Variants in CLASP2 observed in about 807,000 individuals in gnomAD.
The protein encoded by CLASP2 is cytoplasmic linker associated protein 2, also known as CLIP-associating protein 2.
A neutral mutation model predicts 194.4 loss-of-function variants in CLASP2; 47 were observed. The ratio of observed to expected loss-of-function variants is 0.24; its 90% CI spans 0.19 to 0.31. The LOEUF (loss-of-function observed/expected upper bound fraction) is 0.31. CLASP2 is among the 10% of genes least tolerant of loss of function. The probability of loss-of-function intolerance (pLI) is 1.00; values close to 1 mark genes in which losing one functional copy is unlikely to be tolerated. For missense variants in CLASP2, 1,445 were observed against 1,823.6 expected (o/e 0.79, Z 3.78); for synonymous variants, 619 against 633.5 (o/e 0.98, Z 0.34).
rs1299999673 is a variant in CLASP2 at position 33,676,270 on chromosome 3, A to G, written c.644+8089T>C. 5.3e-5 allele frequency among the ~76,000 whole-genome samples: 8 copies of G among 150,648 alleles called. No individual in the cohort carries two copies. In the East Asian group the frequency reaches 1.6e-3, roughly 29 times the overall value. On this transcript the variant is annotated intron_variant, in intron 6 of 38. Coordinates refer to ENST00000682230, the MANE Select transcript of CLASP2 (RefSeq NM_001365631.1). ...ATGGAACAGAACAGAGCCCTCAGAA[A>G]TAACGCCGCATATCTACAACTATCT...
At chr3:33,539,479 C>T (rs1559926256) in intron 32 of CLASP2, among the ~76,000 whole-genome samples, 1 of 151,924 alleles carries the variant, frequency 6.6e-6, no homozygotes, top group East Asian at 1.9e-4. Context: ...GGATTACAGG[C>T]GCCGGCCACC....
At chr3:33,666,265 T>C (rs1327668576) in intron 6 of CLASP2, among the ~76,000 whole-genome samples, 1 of 152,206 alleles carries the variant, frequency 6.6e-6, no homozygotes, top group Non-Finnish European at 1.5e-5. Flanking sequence ...ATTTTTAGTA[T>C]ATCTGCAGAG....
intron 6 of CLASP2, among the ~76,000 whole-genome samples, chr3:33,680,901 C>T (rs982165134): frequency 5.3e-5 from 8 of 151,918 alleles, no homozygotes; most frequent in African/African-American, 1.9e-4. Flanking sequence ...CCGAGGCAGG[C>T]GGATCACGAG....
At chr3:33,578,578 G>A (rs1231128462) in intron 23 of CLASP2, among the ~76,000 whole-genome samples, 2 of 152,196 alleles carry the variant, frequency 1.3e-5, no homozygotes, top group African/African-American at 2.4e-5. Context: ...TAAACTAAGA[G>A]AATGCTGCAC....
rs192074691 is a variant in CLASP2, at chr3:33,572,242, C to T, written c.2699+868G>A. On this transcript the variant is annotated intron_variant, in intron 25 of 38. Transcript: ENST00000682230. ...TACTCCCTTGCCATTTACAATGGCA[C>T]GCTGAATCTAATATTAACTTAATCT... Among the ~76,000 whole-genome samples the T allele has an allele frequency of 2.5e-3, 376 of 152,206 alleles. 7 individuals are homozygous for T. Among genetic ancestry groups the T allele is most frequent in the Non-Finnish European group, 4.0e-4 (27 of 68,014 alleles).
chr3:33,643,657 C>G (rs1447927043), intron 8 of CLASP2, among the ~76,000 whole-genome samples: 1 of 151,852 alleles, frequency 6.6e-6, no homozygotes, highest in African/African-American at 2.4e-5. Flanking sequence ...ATATATCACA[C>G]CATCTTTATT....
At position 33,497,158 on chromosome 3, in the gene CLASP2, G is replaced by A. The variant is rs2154064670; in HGVS notation, c.*1473C>T. 1 of 152,546 alleles carries A rather than the reference G, an allele frequency of 6.6e-6. No individual in the cohort carries two copies. The highest frequency in any genetic ancestry group is 3.4e-3 in the Middle Eastern group (1 of 294). 9.4% of individuals were successfully genotyped at this position (152,546 alleles called of 1,614,324 possible). A position where few individuals can be genotyped will look rare whatever the true frequency, so the allele number is the denominator to read the frequency against. On this transcript the variant is annotated 3_prime_UTR_variant, in exon 39 of 39. Transcript: ENST00000682230. Reference sequence around the variant, plus strand: ...CCTGCTGCTAGAACAGAAAGAAAGGGGAAAGCCTATGACAAATCATCCATT... The same window carrying A: ...CCTGCTGCTAGAACAGAAAGAAAGGAGAAAGCCTATGACAAATCATCCATT...
At chr3:33,626,406 AT>A (rs2078059024) in intron 10 of CLASP2, among the ~76,000 whole-genome samples, 1 of 152,126 alleles carries the variant, frequency 6.6e-6, no homozygotes, top group African/African-American at 2.4e-5. Flanking sequence ...TATATTGCTT[AT>A]TGTCAACACA....
intron 29 of CLASP2, among the ~76,000 whole-genome samples, chr3:33,556,568 T>C (rs1235036219): frequency 6.6e-6 from 1 of 151,966 alleles, no homozygotes; most frequent in Non-Finnish European, 1.5e-5. Flanking sequence ...CCCGAGTAGT[T>C]GGGATTACAG....
intron 12 of CLASP2, among the ~76,000 whole-genome samples, chr3:33,613,057 A>C (rs1015625328): frequency 6.6e-6 from 1 of 152,188 alleles, no homozygotes; most frequent in Non-Finnish European, 1.5e-5. Context: ...CATGAAGATA[A>C]ATATTTAAGG....
At chr3:33,673,284 T>A (rs1207067175) in intron 6 of CLASP2, among the ~76,000 whole-genome samples, 2 of 152,332 alleles carry the variant, frequency 1.3e-5, no homozygotes, top group East Asian at 3.9e-4. Context: ...TGGGGGCCAA[T>A]ATTCAACATT....
chr3:33,679,984 T>G (rs13315121), intron 6 of CLASP2, among the ~76,000 whole-genome samples: 44,695 of 152,112 alleles, frequency 0.29, 6,858 homozygotes, highest in Admixed American at 0.39. Flanking sequence ...GCAAATTAGA[T>G]GTCCCACAGT....
intron 27 of CLASP2, among the ~76,000 whole-genome samples, chr3:33,565,215 A>G (rs559715672): frequency 1.3e-5 from 2 of 152,132 alleles, no homozygotes; most frequent in South Asian, 4.2e-4. Flanking sequence ...AGTCTCACCT[A>G]TCACCCAGGG....
intron 8 of CLASP2, among the ~76,000 whole-genome samples, chr3:33,634,667 G>A (rs1050659504): frequency 7.2e-5 from 11 of 152,180 alleles, no homozygotes; most frequent in Non-Finnish European, 1.3e-4. Context: ...GAAAATTGCT[G>A]AGAGATTTTA....
chr3:33,503,060 A>C (rs2047189978), intron 37 of CLASP2: 1 of 152,180 alleles, frequency 6.6e-6, no homozygotes. Context: ...TCAATGTTTA[A>C]ATATTTAAGT....
intron 34 of CLASP2, among the ~76,000 whole-genome samples, chr3:33,534,784 A>G (rs1359784905): frequency 6.6e-6 from 1 of 152,150 alleles, no homozygotes; most frequent in African/African-American, 2.4e-5. Flanking sequence ...ACCCAAATTC[A>G]AATCCTAATG....
chr3:33,636,202 C>T (rs1466558921), intron 8 of CLASP2, among the ~76,000 whole-genome samples: 2 of 152,126 alleles, frequency 1.3e-5, no homozygotes, highest in African/African-American at 4.8e-5. Context: ...CAACAAATCA[C>T]GTAGTAAAGA....
intron 27 of CLASP2, among the ~76,000 whole-genome samples, chr3:33,562,875 G>A (rs374027851): frequency 9.7e-4 from 148 of 152,270 alleles, no homozygotes; most frequent in African/African-American, 3.5e-3. Flanking sequence ...TTAAAGCTAG[G>A]TCACTTGGTT....
intron 7 of CLASP2, chr3:33,659,294 G>C: frequency 1.7e-6 from 2 of 1,174,990 alleles, no homozygotes; most frequent in Non-Finnish European, 2.1e-6. Context: ...CCTTGTACTG[G>C]CTGCCTGAAA....
Sources: gnomAD v4.1 joint callset for allele counts (sites outside exome capture counted in the v4.1 genomes callset) on GRCh38, gnomAD v4.1.1 for gene constraint, MANE v1.5 for transcripts, NCBI Gene and HGNC (gene_info 2026-07-23, HGNC 2026-07-21) for gene names.